Variants in DGLUCY observed in about 807,000 individuals in gnomAD.
The protein encoded by DGLUCY is D-glutamate cyclase, also known as D-glutamate cyclase, mitochondrial.
DGLUCY carries 58 observed loss-of-function variants against 58.5 expected under a neutral mutation model. The observed-to-expected ratio is 0.99, with a 90% CI of 0.80 to 1.23. The LOEUF (loss-of-function observed/expected upper bound fraction) is 1.23, where lower values mean the gene tolerates loss of function less well. DGLUCY is among the 50% of genes most tolerant of loss of function. The probability of loss-of-function intolerance (pLI) is 0.00; values close to 1 mark genes in which losing one functional copy is unlikely to be tolerated. For synonymous variants in DGLUCY, 325 were observed against 314.1 expected (o/e 1.03, Z -0.37); for missense variants, 779 against 784.7 (o/e 0.99, Z 0.09).
At chr14:91,112,464 T>C (rs897406800), upstream of DGLUCY, among the ~76,000 whole-genome samples, 3 of 152,190 alleles carry the variant, frequency 2.0e-5, no homozygotes, top group African/African-American at 4.8e-5. Flanking sequence ...GTGGTCATTA[T>C]GGACCTTCGC....
chr14:91,110,418 CTTTCTTTCTTTCTT>C (rs2044673527), upstream of DGLUCY, among the ~76,000 whole-genome samples: 1 of 131,082 alleles, frequency 7.6e-6, no homozygotes, highest in South Asian at 2.4e-4. Context: ...TTCTTTCTTT[CTTTCTTTCTTTCTT>C]TTTTTTTTTT....
In DGLUCY at chr14:91,120,647, G is replaced by A. The variant is rs541063269; in HGVS notation, c.-82+6364G>A. On this transcript the variant is annotated intron_variant, in intron 1 of 13. Coordinates refer to ENST00000256324, the MANE Select transcript of DGLUCY (RefSeq NM_001102368.3). The stretch of plus-strand genomic sequence containing the variant: ...GGCTGGTCTTGAACTCTGTCCTCAG[G>A]TGAGCCACCTGCCTCAGCCTCCCAA... Among the ~76,000 whole-genome samples, 3 of 152,260 alleles carry A rather than the reference G, an allele frequency of 2.0e-5. No homozygotes were observed. In the East Asian group the frequency reaches 5.8e-4, roughly 29 times the overall value.
At chr14:91,111,248 G>GTGTGTATATATA (rs1555391921), upstream of DGLUCY, among the ~76,000 whole-genome samples, 12 of 81,152 alleles carry the variant, frequency 1.5e-4, no homozygotes, top group African/African-American at 5.1e-4. Context: ...GTGTGTGTGT[G>GTGTGTATATATA]TATATATCTA....
At chr14:91,121,775 C>G (rs965072490) in intron 1 of DGLUCY, among the ~76,000 whole-genome samples, 2 of 152,102 alleles carry the variant, frequency 1.3e-5, no homozygotes, top group African/African-American at 4.8e-5. Context: ...AGGCACTGTT[C>G]AGTATACTGG....
intron 1 of DGLUCY, among the ~76,000 whole-genome samples, chr14:91,077,315 A>G (rs1440624525): frequency 6.7e-6 from 1 of 149,086 alleles, no homozygotes; most frequent in African/African-American, 2.5e-5. Flanking sequence ...GCGAGGGAGG[A>G]AGGAAGGAGA....
chr14:91,100,932 A>G (rs1203214512), intron 1 of DGLUCY, among the ~76,000 whole-genome samples: 1 of 152,052 alleles, frequency 6.6e-6, no homozygotes, highest in African/African-American at 2.4e-5. Context: ...TTAGCTGGGC[A>G]TGGTGGCGCA....
intron 13 of DGLUCY, 194 bp downstream of exon 13, chr14:91,215,750 C>A: frequency 6.9e-7 from 1 of 1,442,476 alleles, no homozygotes; most frequent in Non-Finnish European, 9.1e-7. Flanking sequence ...AATCGTGTGG[C>A]AGGCCTGATC....
In DGLUCY at chr14:91,101,371, A is replaced by T. The variant is rs147093782; in HGVS notation, c.-82+40667A>T. ...TAAATTTGACTCTTTTAGAAACCTT[A>T]TGTAAGTGGAATCATGCGCTATTTG... is the stretch of plus-strand genomic sequence containing the variant. On this transcript the variant is annotated intron_variant, in intron 1 of 4. Coordinates refer to the DGLUCY transcript ENST00000521334. Among the ~76,000 whole-genome samples the T allele has an allele frequency of 5.3e-5, 8 of 152,254 alleles. No individual in the cohort carries two copies. The East Asian group carries it at 1.5e-3, about 29-fold the overall frequency.
intron 1 of DGLUCY, among the ~76,000 whole-genome samples, chr14:91,121,794 C>T (rs530473080): frequency 7.8e-4 from 118 of 152,118 alleles, no homozygotes; most frequent in Middle Eastern, 3.4e-3. Context: ...GGGGATAGAG[C>T]AGGGGGAAAA....
chr14:91,224,103 A>G (rs1042195459), intron 13 of DGLUCY, among the ~76,000 whole-genome samples: 2 of 152,226 alleles, frequency 1.3e-5, no homozygotes, highest in Non-Finnish European at 2.9e-5. Context: ...TTAGGCTAAG[A>G]GGTCTCAGGA....
chr14:91,160,426 A>G (rs1054071789), intron 3 of DGLUCY, 29 bp downstream of exon 3: 2 of 1,444,284 alleles, frequency 1.4e-6, no homozygotes, highest in Non-Finnish European at 9.4e-7. Context: ...TTAAAAAAAA[A>G]AAAAAAAAAA....
Position 91,170,221 on chromosome 14 carries a change from CCCA to C in DGLUCY, c.456+22_456+24del. On this transcript the variant is annotated intron_variant, in intron 5 of 13. Coordinates refer to ENST00000256324, the MANE Select transcript of DGLUCY (RefSeq NM_001102368.3). The stretch of plus-strand genomic sequence containing the variant: ...TACAAGGTAGGGACACAGCCCACAG[CCCA>C]CAAGGGCAGAATGGCCTGAAGATGC... The C allele has an allele frequency of 6.2e-7, 1 of 1,606,672 alleles. No homozygotes were observed. Among genetic ancestry groups the C allele is most frequent in the Non-Finnish European group, 8.5e-7 (1 of 1,175,400 alleles).
At chr14:91,099,747 A>G (rs937709499) in intron 1 of DGLUCY, among the ~76,000 whole-genome samples, 2 of 152,196 alleles carry the variant, frequency 1.3e-5, no homozygotes, top group African/African-American at 4.8e-5. Context: ...TGAAAGTCTG[A>G]GCCAGGGCCA....
At chr14:91,064,842 G>C (rs1273311783) in intron 1 of DGLUCY, among the ~76,000 whole-genome samples, 3 of 152,116 alleles carry the variant, frequency 2.0e-5, no homozygotes, top group African/African-American at 7.2e-5. Context: ...ACAATATCCA[G>C]AGCAGTTTTG....
At chr14:91,112,297 T>TCTCTCC (rs1472260193), upstream of DGLUCY, among the ~76,000 whole-genome samples, 4 of 151,838 alleles carry the variant, frequency 2.6e-5, no homozygotes, top group Non-Finnish European at 5.9e-5. Flanking sequence ...AGATGGGATC[T>TCTCTCC]CTCTCCTTTG....
intron 7 of DGLUCY, among the ~76,000 whole-genome samples, chr14:91,176,888 C>T (rs577914995): frequency 3.3e-4 from 51 of 152,352 alleles, no homozygotes; most frequent in Non-Finnish European, 6.0e-4. Flanking sequence ...AGGCATGAGC[C>T]ACCGTGTCCA....
At position 91,129,447 on chromosome 14, in the gene DGLUCY, A is replaced by C. The variant is rs577260512; in HGVS notation, c.-82+15164A>C. 2.4e-4 allele frequency among the ~76,000 whole-genome samples: 36 copies of C among 152,202 alleles called. No individual in the cohort carries two copies. In the East Asian group the frequency reaches 2.7e-3, roughly 11 times the overall value. ...GCCTATTTTAATGCTGTATATAAGA[A>C]TATGCTAGCCGGGTATGGTGACTCA... is the stretch of plus-strand genomic sequence containing the variant. On this transcript the variant is annotated intron_variant, in intron 1 of 13. Transcript: ENST00000256324.
intron 1 of DGLUCY, among the ~76,000 whole-genome samples, chr14:91,154,389 A>T (rs2047496615): frequency 6.6e-6 from 1 of 152,174 alleles, no homozygotes; most frequent in Admixed American, 6.6e-5. Flanking sequence ...AAGCAATCAG[A>T]TATGCATTTG....
intron 1 of DGLUCY, among the ~76,000 whole-genome samples, chr14:91,140,142 G>C (rs912036659): frequency 1.6e-4 from 24 of 152,214 alleles, no homozygotes; most frequent in African/African-American, 5.5e-4. Context: ...CTGGCAGAGT[G>C]AACCAGGGTT....
Sources: allele counts gnomAD v4.1 joint callset (sites outside exome capture counted in the v4.1 genomes callset), GRCh38; gene constraint gnomAD v4.1.1; transcripts MANE v1.5; gene names NCBI Gene and HGNC (gene_info 2026-07-23, HGNC 2026-07-21).